Variants in LNP1 observed in about 807,000 individuals in gnomAD.
LNP1 encodes leukemia NUP98 fusion partner 1.
LNP1 carries 12 observed loss-of-function variants against 14.5 expected under a neutral mutation model. That is an observed-to-expected ratio of 0.83 (90% CI 0.53 to 1.34). LNP1 has a LOEUF of 1.34. Among genes scored for constraint, LNP1 ranks in the 40% most tolerant of loss-of-function variants. LNP1 has a pLI of 0.00. For missense variants in LNP1, 198 were observed against 210.9 expected (o/e 0.94, Z 0.38); for synonymous variants, 75 against 71.4 (o/e 1.05, Z -0.26).
Position 100,429,846 on chromosome 3 carries a change from G to A in LNP1, c.117G>A (p.Leu39=), listed in dbSNP as rs1707226799. 5.6e-6 allele frequency: 9 copies of A among 1,613,898 alleles called. No homozygotes were observed. Among genetic ancestry groups the A allele is most frequent in the East Asian group, 2.2e-5 (1 of 44,856 alleles). ...GAGGACTCCGGGAACGCCACCGACTGCAAGCCACCAGTCACAGGAAAACCT... is the reference window on the plus strand; with the variant it reads ...GAGGACTCCGGGAACGCCACCGACTACAAGCCACCAGTCACAGGAAAACCT... ...DQRGLRERHR[L]QATSHRKTSL... Residue 39 remains leucine (L), a synonymous_variant, in exon 2 of 4, where the codon CTG becomes CTA. Transcript: ENST00000383693.
chr3:100,445,059 G>A (rs1021479727), intron 2 of LNP1, among the ~76,000 whole-genome samples: 3 of 152,090 alleles, frequency 2.0e-5, no homozygotes, highest in Non-Finnish European at 4.4e-5. Context: ...GATCATTTGA[G>A]GTCAGGAGTT....
chr3:100,409,910 A>G (rs1431680281), intron 1 of LNP1, among the ~76,000 whole-genome samples: 3 of 151,840 alleles, frequency 2.0e-5, no homozygotes, highest in Admixed American at 2.0e-4. Context: ...ATATATTTGT[A>G]TATATTTAAT....
chr3:100,435,878 A>G (rs571044714), intron 2 of LNP1, among the ~76,000 whole-genome samples: 20 of 152,316 alleles, frequency 1.3e-4, no homozygotes, highest in African/African-American at 4.8e-4. Flanking sequence ...CCTATTCATG[A>G]AAAGATCTTC....
At chr3:100,439,883 C>G (rs1309309160) in intron 2 of LNP1, among the ~76,000 whole-genome samples, 1 of 152,080 alleles carries the variant, frequency 6.6e-6, no homozygotes, top group Non-Finnish European at 1.5e-5. Context: ...AACCATATTT[C>G]TGATTATTAT....
At chr3:100,424,227 G>A (rs1559842371) in intron 1 of LNP1, among the ~76,000 whole-genome samples, 1 of 152,130 alleles carries the variant, frequency 6.6e-6, no homozygotes, top group East Asian at 1.9e-4. Flanking sequence ...GATTTGAAGA[G>A]TTCCCTTTCC....
At chr3:100,427,225 G>A (rs1015813737) in intron 1 of LNP1, among the ~76,000 whole-genome samples, 1 of 151,866 alleles carries the variant, frequency 6.6e-6, no homozygotes, top group African/African-American at 2.4e-5. Flanking sequence ...AGAAAGCAAT[G>A]CAAACTTTTA....
At chr3:100,447,427 C>T (rs1707398760) in intron 2 of LNP1, among the ~76,000 whole-genome samples, 1 of 151,888 alleles carries the variant, frequency 6.6e-6, no homozygotes, top group Admixed American at 6.6e-5. Flanking sequence ...GTGGGGGGAA[C>T]ATCACATACT....
At chr3:100,435,190 T>A (rs1459317090) in intron 2 of LNP1, among the ~76,000 whole-genome samples, 1 of 152,240 alleles carries the variant, frequency 6.6e-6, no homozygotes, top group Non-Finnish European at 1.5e-5. Context: ...GTGAGAACTC[T>A]ATAGGGAGCT....
intron 1 of LNP1, among the ~76,000 whole-genome samples, chr3:100,412,748 C>T (rs1310508777): frequency 4.6e-5 from 7 of 152,184 alleles, no homozygotes; most frequent in Admixed American, 4.6e-4. Flanking sequence ...TTCTTCCTCA[C>T]AATTACTGTA....
At chr3:100,453,207 A>G (rs1182149574) in intron 3 of LNP1, among the ~76,000 whole-genome samples, 3 of 152,182 alleles carry the variant, frequency 2.0e-5, no homozygotes, top group Non-Finnish European at 4.4e-5. Flanking sequence ...CCCTGTATCC[A>G]TATGGTTTCC....
chr3:100,408,144 G>A (rs1278945382), intron 1 of LNP1, among the ~76,000 whole-genome samples: 2 of 152,100 alleles, frequency 1.3e-5, no homozygotes, highest in African/African-American at 2.4e-5. Flanking sequence ...ATGATTCCCC[G>A]ATTGTTCTTG....
At position 100,420,304 on chromosome 3, in the gene LNP1, T is replaced by G. The variant is rs1365944032; in HGVS notation, c.-33-9393T>G. 3.3e-5 allele frequency among the ~76,000 whole-genome samples: 5 copies of G among 151,868 alleles called. No homozygotes were observed. The East Asian group carries it at 5.8e-4, about 18-fold the overall frequency. On this transcript the variant is annotated intron_variant, in intron 1 of 3. Transcript: ENST00000383693. Reference sequence around the variant, plus strand: ...TTTTCTTTTCTTTGCCTGCCTGCCTTCCTTCCTTCCTTCCTTCCTTCTTTT... The same window carrying G: ...TTTTCTTTTCTTTGCCTGCCTGCCTGCCTTCCTTCCTTCCTTCCTTCTTTT...
chr3:100,412,898 T>C (rs144658087), intron 1 of LNP1, among the ~76,000 whole-genome samples: 20 of 152,182 alleles, frequency 1.3e-4, no homozygotes, highest in African/African-American at 4.8e-4. Context: ...GTTAACTTAT[T>C]TATCCACCCA....
intron 2 of LNP1, among the ~76,000 whole-genome samples, chr3:100,440,844 C>T (rs995207376): frequency 6.6e-6 from 1 of 152,056 alleles, no homozygotes; most frequent in Non-Finnish European, 1.5e-5. Flanking sequence ...CATTGGAAAC[C>T]AGGAGAGCAT....
At chr3:100,438,537 G>A (rs1477783333) in intron 2 of LNP1, among the ~76,000 whole-genome samples, 1 of 152,082 alleles carries the variant, frequency 6.6e-6, no homozygotes, top group Non-Finnish European at 1.5e-5. Context: ...TTATGGGTTT[G>A]TACAAATGTA....
chr3:100,420,528 G>T (rs954949679), intron 1 of LNP1, among the ~76,000 whole-genome samples: 9 of 151,518 alleles, frequency 5.9e-5, no homozygotes, highest in Non-Finnish European at 1.2e-4. Context: ...TGTTGCCTAG[G>T]CTTGTCTCAA....
intron 2 of LNP1, among the ~76,000 whole-genome samples, chr3:100,438,968 C>T (rs1707317777): frequency 6.6e-6 from 1 of 151,874 alleles, no homozygotes. Context: ...ATAGAGCTCG[C>T]ATAGCAAGTA....
At chr3:100,449,041 G>C (rs916646815) in intron 2 of LNP1, among the ~76,000 whole-genome samples, 2 of 152,192 alleles carry the variant, frequency 1.3e-5, no homozygotes, top group Non-Finnish European at 2.9e-5. Context: ...GCTAGAGGGA[G>C]ATTAAAGATG....
intron 2 of LNP1, among the ~76,000 whole-genome samples, chr3:100,431,308 A>G (rs1213927595): frequency 2.6e-5 from 4 of 152,242 alleles, no homozygotes; most frequent in Non-Finnish European, 5.9e-5. Flanking sequence ...CTTTTAGGTT[A>G]CAATGGTGTT....
Sources: allele counts gnomAD v4.1 joint callset (sites outside exome capture counted in the v4.1 genomes callset), GRCh38; gene constraint gnomAD v4.1.1; transcripts MANE v1.5; gene names NCBI Gene and HGNC (gene_info 2026-07-23, HGNC 2026-07-21).